COPG2: variants seen among roughly 807,000 people sequenced by gnomAD.
The protein encoded by COPG2 is coatomer subunit gamma-2.
A neutral mutation model predicts 46.3 loss-of-function variants in COPG2; 37 were observed. The observed-to-expected ratio is 0.80, with a 90% CI of 0.61 to 1.05. The LOEUF (loss-of-function observed/expected upper bound fraction) is 1.05. COPG2 is among the 50% of genes least tolerant of loss of function. The pLI is 0.00. For missense variants in COPG2, 427 were observed against 387.8 expected, an observed-to-expected ratio of 1.10 and a Z score of -0.85; for synonymous variants, 159 against 129.7, an observed-to-expected ratio of 1.23 and a Z score of -1.53.
At chr7:130,538,088 G>C (rs917299639) in intron 20 of COPG2, among the ~76,000 whole-genome samples, 2 of 152,080 alleles carry the variant, frequency 1.3e-5, no homozygotes, top group South Asian at 2.1e-4. Context: ...TGTCATCAGT[G>C]GGGGCAGGGC....
chr7:130,628,564 T>C (rs1271322529), intron 5 of COPG2, among the ~76,000 whole-genome samples: 1 of 152,214 alleles, frequency 6.6e-6, no homozygotes, highest in Non-Finnish European at 1.5e-5. Context: ...GACATACAGC[T>C]ATTGTCCAGA....
chr7:130,662,910 T>C (rs1381681268), intron 4 of COPG2, 57 bp downstream of exon 4: 6 of 1,037,502 alleles, frequency 5.8e-6, no homozygotes, highest in Non-Finnish European at 8.7e-6. Flanking sequence ...CTTAGTTCCC[T>C]GGGGAAAATA....
intron 22 of COPG2, 100 bp from the exon 23 acceptor site, chr7:130,507,472 G>A: frequency 6.8e-6 from 5 of 736,574 alleles, no homozygotes; most frequent in Non-Finnish European, 1.3e-5. Flanking sequence ...AGGGTTTGTT[G>A]GTGAAGGGGG....
intron 5 of COPG2, among the ~76,000 whole-genome samples, chr7:130,639,166 T>C (rs1486581552): frequency 2.0e-5 from 3 of 152,184 alleles, no homozygotes; most frequent in African/African-American, 4.8e-5. Flanking sequence ...CCAGAGCTGT[T>C]CCTATTCGGC....
At chr7:130,524,727 GA>G (rs1799757874) in intron 20 of COPG2, among the ~76,000 whole-genome samples, 1 of 152,182 alleles carries the variant, frequency 6.6e-6, no homozygotes, top group South Asian at 2.1e-4. Flanking sequence ...AGGAATGAAA[GA>G]GAGGTGGGAG....
At chr7:130,651,035 G>A (rs573641667) in intron 5 of COPG2, among the ~76,000 whole-genome samples, 6 of 152,210 alleles carry the variant, frequency 3.9e-5, no homozygotes, top group African/African-American at 1.4e-4. Flanking sequence ...TTTCCTAATT[G>A]AAACTACATT....
At chr7:130,593,046 A>T (rs919583928) in intron 9 of COPG2, among the ~76,000 whole-genome samples, 1 of 152,276 alleles carries the variant, frequency 6.6e-6, no homozygotes, top group African/African-American at 2.4e-5. Flanking sequence ...TCCAGGCTTT[A>T]TAAGTTTTCC....
At position 130,554,589 on chromosome 7, in the gene COPG2, T is replaced by C; in HGVS notation, c.1360A>G (p.Lys454Glu). The change falls in exon 14 of 24, where the codon AAG (lysine) becomes GAG (glutamate). Residue 454 changes from lysine to glutamate, a missense_variant. Transcript: ENST00000425248. ...EDCEHTVLAT[K>E]ILHLLGKEGP... ...TCTTTGCCCAACAAGTGTAGAATCT[T>C]AGTAGCCAGAACAGTGTGTTCACAG... The C allele has an allele frequency of 2.5e-6, 1 of 398,526 alleles. No individual in the cohort carries two copies. The highest frequency in any genetic ancestry group is 4.4e-6 in the Non-Finnish European group (1 of 226,026). 24.7% of individuals were successfully genotyped at this position (398,526 alleles called of 1,614,324 possible).
chr7:130,611,859 C>G (rs1794855531), intron 8 of COPG2, among the ~76,000 whole-genome samples: 1 of 152,164 alleles, frequency 6.6e-6, no homozygotes, highest in African/African-American at 2.4e-5. Context: ...TCTTTTTACA[C>G]AAATTATTTT....
At chr7:130,667,676 T>G in intron 1 of COPG2, 142 bp from the exon 2 acceptor site, 1 of 537,322 alleles carries the variant, frequency 1.9e-6, no homozygotes, top group Non-Finnish European at 3.2e-6. Context: ...GCATACGAAC[T>G]GAATGAAATC....
chr7:130,508,173 A>G, intron 21 of COPG2: 1 of 255,946 alleles, frequency 3.9e-6, no homozygotes, highest in Non-Finnish European at 7.4e-6. Flanking sequence ...AGGCTTTTTA[A>G]TCCATGATCT....
At chr7:130,608,377 C>T (rs1017060485) in intron 9 of COPG2, 1 of 250,878 alleles carries the variant, frequency 4.0e-6, no homozygotes, top group African/African-American at 2.3e-5. Context: ...TTTAATTTAC[C>T]TACACATTTA....
intron 9 of COPG2, among the ~76,000 whole-genome samples, chr7:130,568,966 G>A (rs1429462811): frequency 2.0e-5 from 3 of 152,122 alleles, no homozygotes; most frequent in African/African-American, 7.2e-5. Flanking sequence ...ATGATTGTCA[G>A]GTCATCAATG....
intron 9 of COPG2, among the ~76,000 whole-genome samples, chr7:130,575,859 A>AG (rs1165850076): frequency 3.3e-5 from 5 of 152,170 alleles, no homozygotes; most frequent in Non-Finnish European, 5.9e-5. Flanking sequence ...CATAAAGTAC[A>AG]GGGGTGCCTT....
intron 9 of COPG2, chr7:130,603,986 A>T: frequency 2.5e-6 from 1 of 406,648 alleles, no homozygotes; most frequent in Non-Finnish European, 4.8e-6. Flanking sequence ...AGCTAGAGAA[A>T]AGAAAATATT....
chr7:130,507,715 A>G lies in COPG2; in HGVS notation c.2356T>C (p.Phe786Leu). 1 of 780,516 alleles carries G rather than the reference A, an allele frequency of 1.3e-6. No individual in the cohort carries two copies. Among genetic ancestry groups the G allele is most frequent in the East Asian group, 2.4e-5 (1 of 41,222 alleles). The allele number at this position is 780,516 out of a possible 1,614,324, so 48.3% of individuals were successfully genotyped here. ...VGDTFEKEET[F>L]ALSSTKTLEE... ...AGGGTTTTGGTAGAACTGAGGGCAA[A>G]GGTTTCCTCTTTCTCAAAGGTATCT... is the stretch of plus-strand genomic sequence containing the variant. The change falls in exon 22 of 24, where the codon TTT becomes CTT. Residue 786 changes from phenylalanine to leucine, a missense_variant. Transcript: ENST00000425248.
chr7:130,603,721 CAAA>C (rs782190006), intron 9 of COPG2: 5,235 of 198,916 alleles, frequency 0.026, no homozygotes, highest in Middle Eastern at 0.031. Flanking sequence ...AACTCAGTCT[CAAA>C]AAAAAAAAAA....
intron 4 of COPG2, 118 bp downstream of exon 4, chr7:130,662,849 C>A: frequency 1.5e-6 from 1 of 665,078 alleles, no homozygotes; most frequent in Admixed American, 3.0e-5. Context: ...GTTTTATAAG[C>A]AGTTAAATAA....
chr7:130,562,908 T>C (rs1372798391), intron 11 of COPG2, among the ~76,000 whole-genome samples: 6 of 152,226 alleles, frequency 3.9e-5, no homozygotes, highest in Non-Finnish European at 8.8e-5. Context: ...AGATCTGCAC[T>C]GTCCAACAGC....
Sources: allele counts gnomAD v4.1 joint callset (sites outside exome capture counted in the v4.1 genomes callset), GRCh38; gene constraint gnomAD v4.1.1; transcripts MANE v1.5; gene names NCBI Gene and HGNC (gene_info 2026-07-23, HGNC 2026-07-21).